Variants in STK3 observed in about 807,000 individuals in gnomAD.
STK3 encodes serine/threonine kinase 3, also known as serine/threonine-protein kinase 3.
A neutral mutation model predicts 58.0 loss-of-function variants in STK3; 41 were observed. The ratio of observed to expected loss-of-function variants is 0.71; its 90% CI spans 0.55 to 0.92. STK3 has a LOEUF of 0.92. STK3 is among the 40% of genes least tolerant of loss of function. STK3 has a pLI of 0.00. For missense variants in STK3, 479 were observed against 602.7 expected (o/e 0.79, Z 2.15); for synonymous variants, 170 against 191.0 (o/e 0.89, Z 0.91).
chr8:98,905,565 T>C (rs1838864617), intron 1 of STK3: 12 of 1,084,812 alleles, frequency 1.1e-5, no homozygotes, highest in Middle Eastern at 4.0e-4. Context: ...AAAGCCGTAG[T>C]TCTTAATGAT....
At chr8:98,680,252 G>A (rs1285854607) in intron 6 of STK3, among the ~76,000 whole-genome samples, 1 of 152,044 alleles carries the variant, frequency 6.6e-6, no homozygotes, top group African/African-American at 2.4e-5. Flanking sequence ...AAAAATGGAG[G>A]CAATCAGAAG....
At chr8:98,638,190 A>C (rs1435651754) in intron 6 of STK3, among the ~76,000 whole-genome samples, 1 of 152,238 alleles carries the variant, frequency 6.6e-6, no homozygotes, top group African/African-American at 2.4e-5. Context: ...TTCCTTAAGT[A>C]AATTTACACT....
At chr8:98,806,982 G>A (rs1345916492) in intron 1 of STK3, among the ~76,000 whole-genome samples, 4 of 151,910 alleles carry the variant, frequency 2.6e-5, no homozygotes, top group South Asian at 4.2e-4. Flanking sequence ...GCGAAACCCC[G>A]TCTCTACTAG....
In STK3 at chr8:98,707,333, A is replaced by G. The variant is rs750084371; in HGVS notation, c.352-22T>C. Reference sequence around the variant, plus strand: ...TTAACTGGAAAGAAATATTTTTAAAACCATAATTAAAATGCCACGTTAGAT... The same window carrying G: ...TTAACTGGAAAGAAATATTTTTAAAGCCATAATTAAAATGCCACGTTAGAT... On this transcript the variant is annotated intron_variant, in intron 4 of 10. Transcript: ENST00000419617. 3.2e-5 allele frequency: 47 copies of G among 1,481,362 alleles called. No homozygotes were observed. In the East Asian group the frequency reaches 1.2e-3, roughly 37 times the overall value. The allele number at this position is 1,481,362 out of a possible 1,614,324, so 91.8% of individuals were successfully genotyped here.
chr8:98,548,556 G>C (rs974069822), intron 8 of STK3, among the ~76,000 whole-genome samples: 1 of 152,040 alleles, frequency 6.6e-6, no homozygotes, highest in Non-Finnish European at 1.5e-5. Flanking sequence ...CTATAACCTT[G>C]TAAAACAGCC....
At chr8:98,678,062 T>C (rs1311484550) in intron 6 of STK3, among the ~76,000 whole-genome samples, 2 of 152,224 alleles carry the variant, frequency 1.3e-5, no homozygotes, top group Non-Finnish European at 2.9e-5. Context: ...TTCAAAATGA[T>C]TGTACTGATA....
At chr8:98,449,839 T>C (rs1012437036), downstream of STK3, among the ~76,000 whole-genome samples, 6 of 152,204 alleles carry the variant, frequency 3.9e-5, no homozygotes, top group Admixed American at 3.9e-4. Context: ...TCTGAGTGAA[T>C]GGGCTATTCT....
At chr8:98,395,760 C>T (rs1190153367) in intron 3 of STK3, among the ~76,000 whole-genome samples, 1 of 152,062 alleles carries the variant, frequency 6.6e-6, no homozygotes, top group African/African-American at 2.4e-5. Flanking sequence ...GGAAGGATTA[C>T]AAACAATGTT....
At chr8:98,707,615 G>C (rs1194296965) in intron 4 of STK3, among the ~76,000 whole-genome samples, 2 of 151,744 alleles carry the variant, frequency 1.3e-5, no homozygotes, top group East Asian at 3.9e-4. Flanking sequence ...ATGTTGCCCG[G>C]GCTGGTCTTG....
intron 9 of STK3, among the ~76,000 whole-genome samples, chr8:98,542,330 G>A (rs988885037): frequency 1.4e-4 from 21 of 152,068 alleles, no homozygotes; most frequent in Non-Finnish European, 1.9e-4. Context: ...ATCTCAAGTC[G>A]TATCAATAGA....
At chr8:98,402,570 C>A (rs1009651931) in intron 3 of STK3, among the ~76,000 whole-genome samples, 3 of 152,182 alleles carry the variant, frequency 2.0e-5, no homozygotes, top group African/African-American at 7.2e-5. Context: ...GTGTCCCCTC[C>A]GGGACGGAGG....
chr8:98,477,702 C>CGGGGGGGGGGGGGG (rs1286720911), intron 10 of STK3, among the ~76,000 whole-genome samples: 1 of 2,278 alleles, frequency 4.4e-4, no homozygotes, highest in Non-Finnish European at 7.0e-4. Flanking sequence ...TCACACTTGG[C>CGGGGGGGGGGGGGG]GGGGGGGGGG....
At chr8:98,424,490 G>C (rs1285498743) in intron 3 of STK3, among the ~76,000 whole-genome samples, 1 of 152,184 alleles carries the variant, frequency 6.6e-6, no homozygotes, top group Non-Finnish European at 1.5e-5. Context: ...GCAAGGAGTG[G>C]CCTCTGTTAG....
At chr8:98,720,930 T>C (rs964703605) in intron 4 of STK3, 3 of 204,258 alleles carry the variant, frequency 1.5e-5, no homozygotes, top group Admixed American at 6.5e-5. Context: ...CAGCCATAAA[T>C]AGGCAGTAAA....
the STK3 span, among the ~76,000 whole-genome samples, chr8:98,364,146 C>T: frequency 1.3e-5 from 2 of 152,154 alleles, no homozygotes; most frequent in Non-Finnish European, 2.9e-5. Flanking sequence ...AGCCTGGAGC[C>T]TGGGTAGTGG....
At chr8:98,598,819 G>T (rs1371668236) in intron 6 of STK3, 2 of 985,242 alleles carry the variant, frequency 2.0e-6, no homozygotes, top group African/African-American at 3.5e-5. Flanking sequence ...TACACAATGT[G>T]TTGCTTAACT....
chr8:98,822,043 C>T (rs901302205), intron 1 of STK3, among the ~76,000 whole-genome samples: 1 of 151,972 alleles, frequency 6.6e-6, no homozygotes, highest in African/African-American at 2.4e-5. Context: ...TATATATACA[C>T]ACACATACAT....
At chr8:98,539,463 A>G (rs775731213) in intron 9 of STK3, among the ~76,000 whole-genome samples, 7 of 152,070 alleles carry the variant, frequency 4.6e-5, no homozygotes, top group Admixed American at 1.3e-4. Flanking sequence ...TCTCTCCTCA[A>G]CTGACACTAA....
intron 8 of STK3, among the ~76,000 whole-genome samples, chr8:98,564,878 AG>A (rs1487798360): frequency 1.3e-5 from 2 of 152,150 alleles, no homozygotes; most frequent in African/African-American, 4.8e-5. Context: ...TGAAAAGAAT[AG>A]GCACTTTAGT....
Sources: allele counts gnomAD v4.1 joint callset (sites outside exome capture counted in the v4.1 genomes callset), GRCh38; gene constraint gnomAD v4.1.1; transcripts MANE v1.5; gene names NCBI Gene and HGNC (gene_info 2026-07-23, HGNC 2026-07-21).